TNFRSF4: variants seen among roughly 807,000 people sequenced by gnomAD.
TNFRSF4 encodes TNF receptor superfamily member 4, also known as tumor necrosis factor receptor superfamily member 4.
A neutral mutation model predicts 29.5 loss-of-function variants in TNFRSF4; 21 were observed. That is an observed-to-expected ratio of 0.71 (90% CI 0.51 to 1.03). The LOEUF is 1.03. TNFRSF4 is among the 50% of genes least tolerant of loss of function. The pLI, the probability that TNFRSF4 is intolerant of heterozygous loss-of-function variation, is 0.00. For synonymous variants in TNFRSF4, 197 were observed against 172.7 expected, an observed-to-expected ratio of 1.14 and a Z score of -1.10; for missense variants, 408 against 387.8, an observed-to-expected ratio of 1.05 and a Z score of -0.44.
rs1649129048 is a variant in TNFRSF4, at chr1:1,211,798, C to T, written c.669G>A (p.Leu223=). The change falls in exon 6 of 7, where the codon CTG becomes CTA. Residue 223 remains leucine, a synonymous_variant. Transcript: ENST00000379236. ...CCAGGGGGCCCAGCAGCCCCAGCAC[C>T]AGGCCCAGGCCCAGGATGGCGGCAA... is the stretch of plus-strand genomic sequence containing the variant. The part of the protein sequence containing the change: ...RAVAAILGLG[L]VLGLLGPLAI... 1.9e-6 allele frequency: 3 copies of T among 1,554,458 alleles called. No individual in the cohort carries two copies. The highest frequency in any genetic ancestry group is 2.6e-6 in the Non-Finnish European group (3 of 1,153,136).
chr1:1,212,027 C>CA lies in TNFRSF4; in HGVS notation c.548_549insT (p.Ala184GlyfsTer10). On this transcript the variant is annotated frameshift_variant, in exon 5 of 7. Transcript: ENST00000379236. LOFTEE classifies it high-confidence loss of function. ...TGGGCTGGACAGTGATGGGCCTGGC[C>CA]GGGGGGCCCTGGGTCTCCTGGGGCT... The CA allele has an allele frequency of 6.2e-7, 1 of 1,610,694 alleles. No homozygotes were observed. Among genetic ancestry groups the CA allele is most frequent in the Non-Finnish European group, 8.5e-7 (1 of 1,179,004 alleles).
intron 3 of TNFRSF4, 81 bp from the exon 4 acceptor site, chr1:1,212,785 A>C: frequency 7.6e-7 from 1 of 1,308,478 alleles, no homozygotes; most frequent in African/African-American, 1.5e-5. Context: ...TGGGGCAGGC[A>C]CTTGCCCCCC....
At chr1:1,213,823 C>T in intron 1 of TNFRSF4, 38 bp from the exon 2 acceptor site, 1 of 1,561,266 alleles carries the variant, frequency 6.4e-7, no homozygotes, top group Non-Finnish European at 8.6e-7. Context: ...GGTCAGGCCC[C>T]AGGCTTGCGC....
chr1:1,212,615 C>A, intron 4 of TNFRSF4, 23 bp downstream of exon 4: 2 of 1,513,776 alleles, frequency 1.3e-6, no homozygotes, highest in South Asian at 1.2e-5. Context: ...CAGCCCCTCC[C>A]AGCCCCTGGC....
At chr1:1,213,882 A>ACCCCCCC in intron 1 of TNFRSF4, 97 bp from the exon 2 acceptor site, 1 of 1,265,976 alleles carries the variant, frequency 7.9e-7, no homozygotes, top group Non-Finnish European at 1.0e-6. Context: ...CCGGCCCCTC[A>ACCCCCCC]CCCGCCCCCT....
Position 1,212,072 on chromosome 1 carries a change from G to C in TNFRSF4, c.504C>G (p.Asp168Glu), listed in dbSNP as rs201228114. ...ASNSSDAICE[D>E]RDPPATQPQE... ...GGGGCTGCGTGGCTGGGGGGTCCCTGTCCTCACAGATTGCGTCCGAGCTAT... is the reference window on the plus strand; with the variant it reads ...GGGGCTGCGTGGCTGGGGGGTCCCTCTCCTCACAGATTGCGTCCGAGCTAT... The change falls in exon 5 of 7, where the codon GAC (aspartate) becomes GAG (glutamate). Residue 168 changes from aspartate to glutamate, a missense_variant. Asp to Glu is a conservative substitution (Grantham distance 45). Transcript: ENST00000379236. 10 of 1,612,416 alleles carry C rather than the reference G, an allele frequency of 6.2e-6. No homozygotes were observed. In the African/African-American group the frequency reaches 8.0e-5, roughly 13 times the overall value.
rs35033502 is a variant in TNFRSF4, at chr1:1,212,978, G to A, written c.370+14C>T. On this transcript the variant is annotated intron_variant, in intron 3 of 6. Transcript: ENST00000379236. The stretch of plus-strand genomic sequence containing the variant: ...TGCACACCCCCAACCGCCGGCCGCA[G>A]CCACCGAGCTCACCAACTCCAGGCT... 4.6e-3 allele frequency: 7,417 copies of A among 1,604,486 alleles called. 267 individuals are homozygous for A. The African/African-American group carries it at 0.081, about 17-fold the overall frequency.
rs536531136 is a variant in TNFRSF4, at chr1:1,213,930, C to A, written c.145+53G>T. 123 of 1,511,740 alleles carry A rather than the reference C, an allele frequency of 8.1e-5. 1 individual carries two copies. In the South Asian group the frequency reaches 1.3e-3, roughly 17 times the overall value. The allele number at this position is 1,511,740 out of a possible 1,614,324, so 93.6% of individuals were successfully genotyped here. A position where few individuals can be genotyped will look rare whatever the true frequency, so the allele number is the denominator to read the frequency against. On this transcript the variant is annotated intron_variant, in intron 1 of 6. Transcript: ENST00000379236. ...CCTCCTGGCTGGCCCATCCCTGCCC[C>A]AGCCCCCAGTCCCTGGAGTGCCCGT...
At chr1:1,212,575 T>G in intron 4 of TNFRSF4, 63 bp downstream of exon 4, 1 of 413,370 alleles carries the variant, frequency 2.4e-6, no homozygotes, top group Non-Finnish European at 3.4e-6. Context: ...CCCCAGCTCC[T>G]CCGCCCTCCT....
At position 1,211,748 on chromosome 1, in the gene TNFRSF4, A is replaced by G. The variant is rs1649123470; in HGVS notation, c.719T>C (p.Leu240Pro). The G allele has an allele frequency of 2.5e-6, 4 of 1,575,390 alleles. No individual in the cohort carries two copies. The African/African-American group carries it at 4.0e-5, about 16-fold the overall frequency. The change falls in exon 6 of 7, where the codon CTC becomes CCC. Residue 240 changes from leucine to proline, a missense_variant. Leu to Pro is a moderately conservative substitution (Grantham distance 98). Transcript: ENST00000379236. Reference sequence around the variant, plus strand: ...GGGGGGCAGCCTCTGGTCCCTCCGGAGCAGGTACAGGGCCAGCAGGATGGC... The same window carrying G: ...GGGGGGCAGCCTCTGGTCCCTCCGGGGCAGGTACAGGGCCAGCAGGATGGC... ...PLAILLALYL[L>P]RRDQRLPPDA...
At chr1:1,212,605 C>G (rs11260560) in intron 4 of TNFRSF4, 33 bp downstream of exon 4, 5 of 1,261,856 alleles carry the variant, frequency 4.0e-6, no homozygotes, top group Non-Finnish European at 4.3e-6. Context: ...AACCCCCCCC[C>G]AGCCCCTCCC....
chr1:1,214,108 C>T lies in TNFRSF4; in HGVS notation c.20G>A (p.Arg7Gln), dbSNP rs555329852. The T allele has an allele frequency of 6.3e-6, 10 of 1,583,512 alleles. No individual in the cohort carries two copies. The highest frequency in any genetic ancestry group is 5.2e-5 in the Admixed American group (3 of 57,298). Reference protein sequence around the residue: MCVGARRLGRGPCAALL... With the variant: MCVGARQLGRGPCAALL... ...AGCCGCACACGGCCCGCGGCCCAGC[C>T]GCCGAGCCCCCACGCACATCCTCGT... is the stretch of plus-strand genomic sequence containing the variant. Residue 7 changes from arginine (R) to glutamine (Q), a missense_variant, in exon 1 of 7, where the codon CGG becomes CAG. Coordinates refer to ENST00000379236, the MANE Select transcript of TNFRSF4 (RefSeq NM_003327.4). The surrounding 1 kb of genome is among the most constrained non-coding windows in gnomAD (Gnocchi z 4.2).
chr1:1,211,411 C>T lies in TNFRSF4; in HGVS notation c.*144G>A, dbSNP rs907187720. 9 of 750,624 alleles carry T rather than the reference C, an allele frequency of 1.2e-5. No individual in the cohort carries two copies. In the Admixed American group the frequency reaches 2.6e-4, roughly 22 times the overall value. 46.5% of individuals were successfully genotyped at this position (750,624 alleles called of 1,614,324 possible). A position where few individuals can be genotyped will look rare whatever the true frequency, so the allele number is the denominator to read the frequency against. On this transcript the variant is annotated 3_prime_UTR_variant, in exon 7 of 7. Transcript: ENST00000379236. ...TGCATGGCATACGTAAGCAGAGAGC[C>T]GGAGGCAGCCATCGGCACCTAGAAC...
intron 1 of TNFRSF4, 58 bp from the exon 2 acceptor site, chr1:1,213,843 C>G: frequency 1.3e-6 from 2 of 1,519,770 alleles, no homozygotes; most frequent in Admixed American, 2.0e-5. Flanking sequence ...CCCGTGGACC[C>G]CCCCAGGCGG....
Position 1,212,918 on chromosome 1 carries a change from G to A in TNFRSF4, c.370+74C>T, listed in dbSNP as rs867262153. 4.5e-5 allele frequency: 66 copies of A among 1,460,598 alleles called. No individual in the cohort carries two copies. In the Middle Eastern group the frequency reaches 6.8e-4, roughly 15 times the overall value. The allele number at this position is 1,460,598 out of a possible 1,614,324, so 90.5% of individuals were successfully genotyped here. A position where few individuals can be genotyped will look rare whatever the true frequency, so the allele number is the denominator to read the frequency against. ...GGCACCGGTGGGGCCAGGTCCCTGC[G>A]GCCCACGGCCCATCTGCGTCACAGA... On this transcript the variant is annotated intron_variant, in intron 3 of 6. Coordinates refer to ENST00000379236, the MANE Select transcript of TNFRSF4 (RefSeq NM_003327.4).
intron 4 of TNFRSF4, 97 bp from the exon 5 acceptor site, chr1:1,212,235 A>T: frequency 7.4e-7 from 1 of 1,357,414 alleles, no homozygotes; most frequent in South Asian, 1.2e-5. Flanking sequence ...AGCCACAGGC[A>T]GCATCTACCA....
chr1:1,213,305 G>A lies in TNFRSF4; in HGVS notation c.269-212C>T, dbSNP rs770929771. On this transcript the variant is annotated intron_variant, in intron 2 of 6. Coordinates refer to ENST00000379236, the MANE Select transcript of TNFRSF4 (RefSeq NM_003327.4). The stretch of plus-strand genomic sequence containing the variant: ...ACAACCTGGGGCTGGTTCCGTGGCA[G>A]CCCCAGCCACCCTTCCCTACCCCTC... 2.0e-6 allele frequency: 3 copies of A among 1,525,120 alleles called. No individual in the cohort carries two copies. In the South Asian group the frequency reaches 3.7e-5, roughly 19 times the overall value. 94.5% of individuals were successfully genotyped at this position (1,525,120 alleles called of 1,614,324 possible).
chr1:1,211,530 C>G lies in TNFRSF4; in HGVS notation c.*25G>C. The stretch of plus-strand genomic sequence containing the variant: ...CTCCGGGCTCCAGCCTGGCGGGGCC[C>G]AGCGTCCACCTTGGTGGGCCCAGGT... On this transcript the variant is annotated 3_prime_UTR_variant, in exon 7 of 7. Transcript: ENST00000379236. 4 of 1,480,894 alleles carry G rather than the reference C, an allele frequency of 2.7e-6. No individual in the cohort carries two copies. The South Asian group carries it at 5.6e-5, about 21-fold the overall frequency. 91.7% of individuals were successfully genotyped at this position (1,480,894 alleles called of 1,614,324 possible). A position where few individuals can be genotyped will look rare whatever the true frequency, so the allele number is the denominator to read the frequency against.
At chr1:1,213,569 G>T in intron 2 of TNFRSF4, 94 bp downstream of exon 2, 1 of 1,480,496 alleles carries the variant, frequency 6.8e-7, no homozygotes, top group South Asian at 1.4e-5. Context: ...TCGTTTCTGC[G>T]GCTGTGGGAG....
Sources: allele counts gnomAD v4.1 joint callset, GRCh38; gene constraint gnomAD v4.1.1; non-coding constraint Gnocchi (gnomAD v3.1); transcripts MANE v1.5; gene names NCBI Gene and HGNC (gene_info 2026-07-23, HGNC 2026-07-21).